Variants in CLCN7 observed in about 807,000 individuals in gnomAD.
The protein encoded by CLCN7 is H(+)/Cl(-) exchange transporter 7.
Under a neutral mutation model 102.1 loss-of-function variants are expected in CLCN7, and 60 were observed. That is an observed-to-expected ratio of 0.59 (90% CI 0.48 to 0.73). The LOEUF is 0.73. CLCN7 is among the 30% of genes least tolerant of loss of function. The pLI is 0.00. For missense variants in CLCN7, 962 were observed against 1,125.7 expected (o/e 0.85, Z 2.08); for synonymous variants, 560 against 490.5 (o/e 1.14, Z -1.87).
At position 1,453,744 on chromosome 16, in the gene CLCN7, G is replaced by C; in HGVS notation, c.1214+90C>G. ...CAGCCTTTCTTTCGGCTGTGGCCTA[G>C]GAGTGTAAACCCCATTCCACCACGT... On this transcript the variant is annotated intron_variant, in intron 14 of 24. Transcript: ENST00000382745. The C allele has an allele frequency of 1.7e-6, 2 of 1,209,626 alleles. 1 individual carries two copies. Among genetic ancestry groups the C allele is most frequent in the South Asian group, 2.4e-5 (2 of 82,648 alleles). The allele number at this position is 1,209,626 out of a possible 1,614,324, so 74.9% of individuals were successfully genotyped here. A position where few individuals can be genotyped will look rare whatever the true frequency, so the allele number is the denominator to read the frequency against.
At chr16:1,461,201 C>T (rs2038930645) in intron 4 of CLCN7, among the ~76,000 whole-genome samples, 4 of 152,266 alleles carry the variant, frequency 2.6e-5, no homozygotes, top group South Asian at 2.1e-4. Flanking sequence ...CCGCATCTGG[C>T]GGCCGTAAGA....
chr16:1,455,130 T>C lies in CLCN7; in HGVS notation c.1098+4A>G, dbSNP rs1210416784. Reference sequence around the variant, plus strand: ...TGGGCGAGGTGGGCGATGGGGCAGGTTACCTCCGAGTCAAACCTTCCGAAG... The same window carrying C: ...TGGGCGAGGTGGGCGATGGGGCAGGCTACCTCCGAGTCAAACCTTCCGAAG... On this transcript the variant is annotated splice_donor_region_variant and intron_variant, in intron 12 of 24. Coordinates refer to ENST00000382745, the MANE Select transcript of CLCN7 (RefSeq NM_001287.6). 6.4e-7 allele frequency: 1 copy of C among 1,563,784 alleles called. No individual in the cohort carries two copies. The highest frequency in any genetic ancestry group is 1.1e-5 in the South Asian group (1 of 90,086).
At chr16:1,459,965 C>T (rs71384652) in intron 6 of CLCN7, among the ~76,000 whole-genome samples, 160 of 91,630 alleles carry the variant, frequency 1.7e-3, no homozygotes, top group Middle Eastern at 8.2e-3. Flanking sequence ...CTTCGGGGCC[C>T]CAGGGAAGGG....
At position 1,454,450 on chromosome 16, in the gene CLCN7, T is replaced by A. The variant is rs1339113016; in HGVS notation, c.1114A>T (p.Ile372Phe). Residue 372 changes from isoleucine (I) to phenylalanine (F), a missense_variant, in exon 13 of 25, where the codon ATC (isoleucine) becomes TTC (phenylalanine). By Grantham distance (21) the Ile-to-Phe change is conservative. Coordinates refer to ENST00000382745, the MANE Select transcript of CLCN7 (RefSeq NM_001287.6). Reference sequence around the variant, plus strand: ...GCGATGAAGACCGGGATCTCGTGGATCGTGTAGGCCATTTTCTGTGCAGAG... The same window carrying A: ...GCGATGAAGACCGGGATCTCGTGGAACGTGTAGGCCATTTTCTGTGCAGAG... ...RFDSEKMAYTIHEIPVFIAMG... is the reference protein window; with the variant it reads ...RFDSEKMAYTFHEIPVFIAMG... 6.2e-7 allele frequency: 1 copy of A among 1,613,658 alleles called. No homozygotes were observed.
intron 23 of CLCN7, 108 bp from the exon 24 acceptor site, chr16:1,447,194 T>A: frequency 4.9e-6 from 6 of 1,236,008 alleles, no homozygotes; most frequent in Non-Finnish European, 6.8e-6. Flanking sequence ...AGGCACGTCC[T>A]GAGCCCCCAC....
At chr16:1,450,300 G>A (rs1399289500) in intron 17 of CLCN7, 197 bp downstream of exon 17, 9 of 629,058 alleles carry the variant, frequency 1.4e-5, no homozygotes, top group East Asian at 5.5e-5. Flanking sequence ...CATGGGCTGC[G>A]CTGCCACAGT....
chr16:1,449,256 G>C lies in CLCN7; in HGVS notation c.1669+20C>G. On this transcript the variant is annotated intron_variant, in intron 18 of 24. Coordinates refer to ENST00000382745, the MANE Select transcript of CLCN7 (RefSeq NM_001287.6). The stretch of plus-strand genomic sequence containing the variant: ...GACCCCGTGGAGCTCCCCACCCATC[G>C]GGCAAGAGCTGGGACATACCCAGCT... The C allele has an allele frequency of 6.3e-7, 1 of 1,578,412 alleles. No individual in the cohort carries two copies. Among genetic ancestry groups the C allele is most frequent in the Non-Finnish European group, 8.6e-7 (1 of 1,162,768 alleles).
At chr16:1,469,105 C>T (rs1425173173) in intron 1 of CLCN7, among the ~76,000 whole-genome samples, 2 of 151,272 alleles carry the variant, frequency 1.3e-5, no homozygotes, top group Non-Finnish European at 2.9e-5. Flanking sequence ...ACTCGGGAGG[C>T]TAAGGCAGGA....
In CLCN7 at chr16:1,457,773, C is replaced by A. The variant is rs549659426; in HGVS notation, c.676-17G>T. The A allele has an allele frequency of 6.2e-7, 1 of 1,612,872 alleles. No homozygotes were observed. The highest frequency in any genetic ancestry group is 8.5e-7 in the Non-Finnish European group (1 of 1,179,162). On this transcript the variant is annotated splice_polypyrimidine_tract_variant and intron_variant, in intron 7 of 24. Coordinates refer to ENST00000382745, the MANE Select transcript of CLCN7 (RefSeq NM_001287.6). This position sits in a 1 kb window ranked among gnomAD's most constrained non-coding sequence, Gnocchi z 5.4. ...CACCAACGTCTGAAACACAGGGAGA[C>A]GCATGGCCTCTGATGAAAAGGCAGG...
chr16:1,474,988 G>C lies in CLCN7; in HGVS notation c.-14C>G. ...GACGTTGGCCATGGCCCGCCGCGGA[G>C]CGACACCGGCCGGGAAGCGCCGGCT... On this transcript the variant is annotated 5_prime_UTR_variant, in exon 1 of 25. Coordinates refer to ENST00000382745, the MANE Select transcript of CLCN7 (RefSeq NM_001287.6). 1 of 1,470,696 alleles carries C rather than the reference G, an allele frequency of 6.8e-7. No individual in the cohort carries two copies. The allele number at this position is 1,470,696 out of a possible 1,614,324, so 91.1% of individuals were successfully genotyped here. A position where few individuals can be genotyped will look rare whatever the true frequency, so the allele number is the denominator to read the frequency against.
intron 2 of CLCN7, among the ~76,000 whole-genome samples, chr16:1,463,774 GAAA>G (rs34219752): frequency 6.9e-6 from 1 of 144,256 alleles, no homozygotes. Flanking sequence ...CACCTGCCCA[GAAA>G]AAAAAAAAAA....
At chr16:1,463,916 T>A (rs190689804) in intron 2 of CLCN7, among the ~76,000 whole-genome samples, 1 of 152,252 alleles carries the variant, frequency 6.6e-6, no homozygotes, top group East Asian at 1.9e-4. Flanking sequence ...CTGGGACTAC[T>A]GGTGCCTATC....
At chr16:1,453,994 G>A in intron 13 of CLCN7, 100 bp from the exon 14 acceptor site, 1 of 1,215,880 alleles carries the variant, frequency 8.2e-7, no homozygotes, top group Non-Finnish European at 1.2e-6. Context: ...GGTTTGCAGA[G>A]GGAAGGGGAC....
chr16:1,451,803 T>C (rs1251960511), intron 15 of CLCN7, 87 bp from the exon 16 acceptor site: 25 of 1,074,912 alleles, frequency 2.3e-5, no homozygotes, highest in Non-Finnish European at 5.6e-6. Context: ...TGAGAGGCCG[T>C]GTACCCTGTG....
In CLCN7 at chr16:1,467,230, G is replaced by A. The variant is rs572950146; in HGVS notation, c.142-1892C>T. Among the ~76,000 whole-genome samples, 174 of 152,330 alleles carry A rather than the reference G, an allele frequency of 1.1e-3. 1 individual carries two copies. The highest frequency in any genetic ancestry group is 1.9e-3 in the Non-Finnish European group (127 of 68,028). ...ACAGACAGACTCGCAGGTGTCTGCC[G>A]TGGCATCTCCACGCCCAGGGGAGAG... is the stretch of plus-strand genomic sequence containing the variant. On this transcript the variant is annotated intron_variant, in intron 1 of 24. Transcript: ENST00000382745.
rs1265892705 is a variant in CLCN7, at chr16:1,454,577, C to T, written c.1099-112G>A. The T allele has an allele frequency of 7.7e-6, 8 of 1,041,568 alleles. 1 individual carries two copies. In the East Asian group the frequency reaches 1.9e-4, roughly 25 times the overall value. The allele number at this position is 1,041,568 out of a possible 1,614,324, so 64.5% of individuals were successfully genotyped here. On this transcript the variant is annotated intron_variant, in intron 12 of 24. Transcript: ENST00000382745. ...GAGAGCTGTCCCCACAGAGAGCCTT[C>T]CCGCCCTTCCACGCAGGCTGCGGAA...
At chr16:1,447,621 C>T (rs1462734387) in intron 22 of CLCN7, 34 bp downstream of exon 22, 6 of 1,551,718 alleles carry the variant, frequency 3.9e-6, no homozygotes, top group South Asian at 3.6e-5. Context: ...CCCGGGGCCC[C>T]CACCCGCCCA....
rs114169064 is a variant in CLCN7, at chr16:1,455,791, C to T, written c.921G>A (p.Gly307=). ...CACCCTCCTCCAAGCTGAACAGGAC[C>T]CCACCTGGAAGGCAGGCGGCCGGCT... The part of the protein sequence containing the change: ...VSAAFGAPVG[G]VLFSLEEGAS... The change falls in exon 11 of 25, where the codon GGG becomes GGA. Residue 307 remains glycine, a synonymous_variant. Coordinates refer to ENST00000382745, the MANE Select transcript of CLCN7 (RefSeq NM_001287.6). The T allele has an allele frequency of 2.4e-3, 3,796 of 1,613,444 alleles. 78 individuals carry two copies. The African/African-American group carries it at 0.045, about 19-fold the overall frequency.
chr16:1,452,063 G>C (rs1389951355), intron 15 of CLCN7: 1 of 346,934 alleles, frequency 2.9e-6, no homozygotes, highest in Non-Finnish European at 5.6e-6. Flanking sequence ...TCCTAGAAGA[G>C]GCTGTTGGCG....
Sources: allele counts gnomAD v4.1 joint callset (sites outside exome capture counted in the v4.1 genomes callset), GRCh38; gene constraint gnomAD v4.1.1; non-coding constraint Gnocchi (gnomAD v3.1); transcripts MANE v1.5; gene names NCBI Gene and HGNC (gene_info 2026-07-23, HGNC 2026-07-21).